JARID2: variants seen among roughly 807,000 people sequenced by gnomAD.
The protein encoded by JARID2 is protein Jumonji.
In JARID2, 21 loss-of-function variants were observed where a neutral mutation model predicts 125.6. That is an observed-to-expected ratio of 0.17 (90% CI 0.12 to 0.24). JARID2 has a LOEUF of 0.24. JARID2 is among the 10% of genes least tolerant of loss of function. JARID2 has a pLI of 1.00. For missense variants in JARID2, 1,303 were observed against 1,639.6 expected (o/e 0.79, Z 3.55); for synonymous variants, 736 against 661.6 (o/e 1.11, Z -1.73).
At chr6:15,364,505 C>T (rs890517395) in intron 1 of JARID2, among the ~76,000 whole-genome samples, 1 of 152,168 alleles carries the variant, frequency 6.6e-6, no homozygotes, top group East Asian at 1.9e-4. Flanking sequence ...GAGGGGTTTC[C>T]TGCAAAACCC....
chr6:15,441,586 A>G (rs1427635178), intron 3 of JARID2, among the ~76,000 whole-genome samples: 1 of 152,120 alleles, frequency 6.6e-6, no homozygotes, highest in Non-Finnish European at 1.5e-5. Context: ...GAGGACATGT[A>G]AGATGCCAGA....
intron 3 of JARID2, among the ~76,000 whole-genome samples, chr6:15,434,420 T>G (rs544854488): frequency 6.6e-6 from 1 of 152,090 alleles, no homozygotes; most frequent in African/African-American, 2.4e-5. Context: ...GGGAGAGAGA[T>G]TTTCAGAAAA....
At chr6:15,269,122 A>C (rs1450289865) in intron 1 of JARID2, among the ~76,000 whole-genome samples, 2 of 152,076 alleles carry the variant, frequency 1.3e-5, no homozygotes, top group African/African-American at 4.8e-5. Flanking sequence ...GCCAGTGGTG[A>C]GGTAGTTGCC....
chr6:15,472,821 G>C (rs1427849749), intron 5 of JARID2, among the ~76,000 whole-genome samples: 1 of 152,174 alleles, frequency 6.6e-6, no homozygotes, highest in Non-Finnish European at 1.5e-5. Flanking sequence ...TCACTTCCTG[G>C]GCATGTCCCT....
intron 1 of JARID2, among the ~76,000 whole-genome samples, chr6:15,311,415 T>G (rs562758956): frequency 6.6e-6 from 1 of 152,198 alleles, no homozygotes; most frequent in South Asian, 2.1e-4. Context: ...CCATCTCTAC[T>G]AAAAATACAA....
chr6:15,353,640 G>A (rs1455981903), intron 1 of JARID2, among the ~76,000 whole-genome samples: 2 of 151,968 alleles, frequency 1.3e-5, no homozygotes, highest in African/African-American at 2.4e-5. Context: ...CCTTTTCCTG[G>A]TGGGAATTCC....
At chr6:15,406,420 G>A (rs1022194223) in intron 2 of JARID2, among the ~76,000 whole-genome samples, 3 of 152,290 alleles carry the variant, frequency 2.0e-5, no homozygotes, top group Non-Finnish European at 4.4e-5. Context: ...ATGACAGAGC[G>A]AGACTCTGTC....
Position 15,496,448 on chromosome 6 carries a change from A to T in JARID2, c.1223A>T (p.Lys408Met). Reference sequence around the variant, plus strand: ...ACTGGGCCCGCCGTCAATGGCCTCAAGGTCAGTGGCAGGTTGAACCCAAAG... The same window carrying T: ...ACTGGGCCCGCCGTCAATGGCCTCATGGTCAGTGGCAGGTTGAACCCAAAG... ...KSTGPAVNGLKVSGRLNPKSC... is the reference protein window; with the variant it reads ...KSTGPAVNGLMVSGRLNPKSC... Residue 408 changes from lysine to methionine, a missense_variant, in exon 7 of 18, where the codon AAG (lysine) becomes ATG (methionine). Around this residue, in one of 11 missense-constraint regions of JARID2, gnomAD observed 651 missense variants for 581.6 expected, o/e 1.12. Transcript: ENST00000341776. The T allele has an allele frequency of 6.2e-7, 1 of 1,613,544 alleles. No homozygotes were observed. Among genetic ancestry groups the T allele is most frequent in the Non-Finnish European group, 8.5e-7 (1 of 1,179,782 alleles).
rs1455960125 is a variant in JARID2 at position 15,247,528 on chromosome 6, TAA to T, written c.45+945_45+946del. ...GATTAGCTGCATGCTTTAAATTAAA[TAA>T]CTCTTTTTTTTTTTCAAAAAAGGCC... is the stretch of plus-strand genomic sequence containing the variant. On this transcript the variant is annotated intron_variant, in intron 1 of 17. Coordinates refer to ENST00000341776, the MANE Select transcript of JARID2 (RefSeq NM_004973.4). 2.2e-5 allele frequency: 19 copies of T among 883,306 alleles called. No individual in the cohort carries two copies. The South Asian group carries it at 5.7e-4, about 27-fold the overall frequency. 54.7% of individuals were successfully genotyped at this position (883,306 alleles called of 1,614,324 possible).
At chr6:15,438,530 G>A (rs1257452519) in intron 3 of JARID2, among the ~76,000 whole-genome samples, 1 of 152,132 alleles carries the variant, frequency 6.6e-6, no homozygotes, top group Non-Finnish European at 1.5e-5. Flanking sequence ...TGACCAATGT[G>A]GACAAAATGT....
At chr6:15,257,127 G>A (rs922366172) in intron 1 of JARID2, among the ~76,000 whole-genome samples, 3 of 152,120 alleles carry the variant, frequency 2.0e-5, no homozygotes, top group African/African-American at 7.2e-5. Context: ...GGCCCTCTCT[G>A]TTACTGCCTT....
intron 4 of JARID2, 98 bp downstream of exon 4, chr6:15,452,273 AT>A: frequency 1.4e-5 from 21 of 1,485,030 alleles, no homozygotes; most frequent in Middle Eastern, 1.9e-4. Context: ...TGCCATGTTC[AT>A]TTTTCTGTCC....
chr6:15,510,825 T>G (rs1259479329), intron 12 of JARID2, among the ~76,000 whole-genome samples: 1 of 152,238 alleles, frequency 6.6e-6, no homozygotes, highest in Non-Finnish European at 1.5e-5. Flanking sequence ...CAGGGTTTAC[T>G]GTTCCTGTCT....
intron 1 of JARID2, among the ~76,000 whole-genome samples, chr6:15,323,471 T>C (rs998614879): frequency 6.6e-6 from 1 of 152,188 alleles, no homozygotes; most frequent in African/African-American, 2.4e-5. Flanking sequence ...TGTCGTCTTT[T>C]GTCTTGAACT....
chr6:15,248,369 GGCGGGTGGGGC>G, intron 1 of JARID2: 1 of 143,350 alleles, frequency 7.0e-6, no homozygotes, highest in Admixed American at 6.9e-5. Context: ...CGGGCAGGAG[GGCGGGTGGGGC>G]GCGGGGGTGG....
intron 5 of JARID2, among the ~76,000 whole-genome samples, chr6:15,476,821 A>T (rs1055749952): frequency 2.0e-5 from 3 of 152,230 alleles, no homozygotes; most frequent in African/African-American, 7.2e-5. Context: ...ATGGGTATTT[A>T]TATTACAAGT....
At chr6:15,366,892 C>G (rs1017629314) in intron 1 of JARID2, among the ~76,000 whole-genome samples, 4 of 152,016 alleles carry the variant, frequency 2.6e-5, no homozygotes, top group African/African-American at 9.7e-5. Flanking sequence ...ACTTACAATC[C>G]TGCTATGTCT....
In JARID2 at chr6:15,340,855, G is replaced by A. The variant is rs149696995; in HGVS notation, c.46-33262G>A. 8.5e-5 allele frequency among the ~76,000 whole-genome samples: 13 copies of A among 152,296 alleles called. No homozygotes were observed. The East Asian group carries it at 2.5e-3, about 29-fold the overall frequency. On this transcript the variant is annotated intron_variant, in intron 1 of 17. Coordinates refer to ENST00000341776, the MANE Select transcript of JARID2 (RefSeq NM_004973.4). ...GGCCTTATGACCTATCTGAAGTCCT[G>A]AAGTCAGCTATGGGATTACGATGTT... is the stretch of plus-strand genomic sequence containing the variant.
intron 3 of JARID2, among the ~76,000 whole-genome samples, chr6:15,440,394 GTTTGGGCTGACCCC>G (rs1314780639): frequency 1.3e-5 from 2 of 152,210 alleles, no homozygotes; most frequent in Non-Finnish European, 2.9e-5. Flanking sequence ...GAGTTGGAAG[GTTTGGGCTGACCCC>G]TTTGCATCCT....
Sources: gnomAD v4.1 joint callset for allele counts (sites outside exome capture counted in the v4.1 genomes callset) on GRCh38, gnomAD v4.1.1 for gene constraint, gnomAD v4.1.1 regional missense constraint, MANE v1.5 for transcripts, NCBI Gene and HGNC (gene_info 2026-07-23, HGNC 2026-07-21) for gene names.